The following ABLIM3 variants were observed in gnomAD, a reference collection of about 807,000 sequenced individuals.
The protein encoded by ABLIM3 is actin-binding LIM protein 3.
ABLIM3 carries 61 observed loss-of-function variants against 109.5 expected under a neutral mutation model. The observed-to-expected ratio is 0.56, with a 90% CI of 0.45 to 0.69. ABLIM3 has a LOEUF of 0.69. ABLIM3 is among the 30% of genes least tolerant of loss of function. The pLI is 0.00. For missense variants in ABLIM3, 796 were observed against 889.5 expected (o/e 0.89, Z 1.34); for synonymous variants, 300 against 324.8 (o/e 0.92, Z 0.82).
At chr5:149,180,573 C>G (rs1367195680) in intron 2 of ABLIM3, among the ~76,000 whole-genome samples, 1 of 152,324 alleles carries the variant, frequency 6.6e-6, no homozygotes, top group African/African-American at 2.4e-5. Context: ...TGCTACACCA[C>G]TGTTCTTTTA....
chr5:149,177,450 G>A (rs1756042368), intron 2 of ABLIM3, among the ~76,000 whole-genome samples: 1 of 152,138 alleles, frequency 6.6e-6, no homozygotes, highest in African/African-American at 2.4e-5. Flanking sequence ...CAATGCCCTA[G>A]GATAACATAG....
chr5:149,173,540 A>T (rs114148418), intron 2 of ABLIM3, among the ~76,000 whole-genome samples: 2,730 of 152,268 alleles, frequency 0.018, 38 homozygotes, highest in Non-Finnish European at 0.025. Context: ...GAGATGGGGC[A>T]GAAGGGGACC....
chr5:149,246,724 A>G (rs971297856), intron 17 of ABLIM3, among the ~76,000 whole-genome samples, 178 bp downstream of exon 17: 2 of 152,264 alleles, frequency 1.3e-5, no homozygotes, highest in Non-Finnish European at 2.9e-5. Flanking sequence ...ACTAGATCCA[A>G]CTGCTCAAAA....
chr5:149,216,256 G>T (rs1327575674), intron 7 of ABLIM3, among the ~76,000 whole-genome samples: 4 of 152,198 alleles, frequency 2.6e-5, no homozygotes, highest in African/African-American at 9.6e-5. Context: ...TACTTTAAGT[G>T]TCTTGAGGTT....
At chr5:149,245,101 T>C in intron 16 of ABLIM3, 86 bp downstream of exon 16, 3 of 1,541,698 alleles carry the variant, frequency 1.9e-6, no homozygotes, top group East Asian at 2.3e-5. Context: ...CACTCCTTTA[T>C]ACAATCATTC....
intron 8 of ABLIM3, among the ~76,000 whole-genome samples, chr5:149,225,525 G>T (rs1357298021): frequency 6.6e-6 from 1 of 151,988 alleles, no homozygotes; most frequent in Non-Finnish European, 1.5e-5. Flanking sequence ...TTCCATTTTT[G>T]GATCTACCAC....
chr5:149,191,288 ATAT>A (rs1757449949), intron 3 of ABLIM3, among the ~76,000 whole-genome samples: 2 of 152,282 alleles, frequency 1.3e-5, no homozygotes, highest in South Asian at 4.1e-4. Context: ...ATAAAAAGAA[ATAT>A]TATAAACAAT....
Position 149,246,899 on chromosome 5 carries a change from C to A in ABLIM3, c.1551+353C>A, listed in dbSNP as rs192115320. On this transcript the variant is annotated intron_variant, in intron 17 of 23. Coordinates refer to ENST00000309868, the MANE Select transcript of ABLIM3 (RefSeq NM_014945.5). ...CCTGTGGAAAACAATTTGGTGGTTC[C>A]TCAAAAATTAAACATAAAATTACCA... 7.4e-4 allele frequency among the ~76,000 whole-genome samples: 113 copies of A among 152,270 alleles called. 1 individual carries two copies. Among genetic ancestry groups the A allele is most frequent in the Non-Finnish European group, 4.4e-4 (30 of 68,026 alleles).
intron 5 of ABLIM3, among the ~76,000 whole-genome samples, chr5:149,203,089 C>T (rs1758633777): frequency 6.6e-6 from 1 of 151,886 alleles, no homozygotes; most frequent in Non-Finnish European, 1.5e-5. Flanking sequence ...CTACCATTGC[C>T]ATCACCATTG....
chr5:149,184,251 A>G (rs1581071935), intron 3 of ABLIM3, among the ~76,000 whole-genome samples: 1 of 151,952 alleles, frequency 6.6e-6, no homozygotes, highest in Non-Finnish European at 1.5e-5. Flanking sequence ...GGGGCAACAC[A>G]CCCTTCCACA....
chr5:149,190,104 C>T (rs1272344742), intron 3 of ABLIM3, among the ~76,000 whole-genome samples: 1 of 152,100 alleles, frequency 6.6e-6, no homozygotes, highest in African/African-American at 2.4e-5. Flanking sequence ...AAAACAGTCA[C>T]AAAAGGCTAC....
At chr5:149,238,450 GT>G (rs1282283731) in intron 11 of ABLIM3, among the ~76,000 whole-genome samples, 1 of 152,122 alleles carries the variant, frequency 6.6e-6, no homozygotes, top group East Asian at 1.9e-4. Flanking sequence ...AGATTCTCTG[GT>G]TTCCGGCCCC....
chr5:149,175,647 A>T (rs1363232184), intron 2 of ABLIM3, among the ~76,000 whole-genome samples: 1 of 152,196 alleles, frequency 6.6e-6, no homozygotes, highest in African/African-American at 2.4e-5. Flanking sequence ...CTGAAACTTC[A>T]TTTTCTCTTA....
Position 149,260,376 on chromosome 5 carries a change from G to A in ABLIM3, c.*1972G>A, listed in dbSNP as rs1028336672. The A allele has an allele frequency of 1.3e-5, 2 of 152,560 alleles. No individual in the cohort carries two copies. Among genetic ancestry groups the A allele is most frequent in the Admixed American group, 6.6e-5 (1 of 15,262 alleles). 9.5% of individuals were successfully genotyped at this position (152,560 alleles called of 1,614,324 possible). A position where few individuals can be genotyped will look rare whatever the true frequency, so the allele number is the denominator to read the frequency against. ...TGGTTAAGAACTTGGCGAGATTGAA[G>A]GGCTTTTGTTATTGTTGTTGGATAT... is the stretch of plus-strand genomic sequence containing the variant. On this transcript the variant is annotated 3_prime_UTR_variant, in exon 24 of 24. Transcript: ENST00000309868.
intron 10 of ABLIM3, among the ~76,000 whole-genome samples, chr5:149,236,354 T>C (rs973575188): frequency 3.3e-5 from 5 of 152,172 alleles, no homozygotes; most frequent in Non-Finnish European, 5.9e-5. Flanking sequence ...AGACTGTACT[T>C]GGCTCCTATG....
chr5:149,237,723 C>A, intron 11 of ABLIM3, 120 bp downstream of exon 11: 1 of 1,322,154 alleles, frequency 7.6e-7, no homozygotes. Context: ...GACTCTTCTA[C>A]ACTGGGATTT....
chr5:149,255,395 G>A (rs528455772), intron 23 of ABLIM3, among the ~76,000 whole-genome samples: 1 of 152,282 alleles, frequency 6.6e-6, no homozygotes, highest in Non-Finnish European at 1.5e-5. Context: ...TGTGTGAGAA[G>A]ACATAAGATG....
intron 1 of ABLIM3, 48 bp downstream of exon 1, chr5:149,141,702 G>C: frequency 5.1e-6 from 1 of 197,038 alleles, no homozygotes; most frequent in Non-Finnish European, 1.0e-5. Context: ...GCGGGGACGC[G>C]CTGCCCCCGC....
At chr5:149,176,661 C>G (rs1393053538) in intron 2 of ABLIM3, among the ~76,000 whole-genome samples, 7 of 152,128 alleles carry the variant, frequency 4.6e-5, no homozygotes, top group Non-Finnish European at 8.8e-5. Flanking sequence ...ATATAAGTGG[C>G]TGAGGACACT....
Sources: allele counts gnomAD v4.1 joint callset (sites outside exome capture counted in the v4.1 genomes callset), GRCh38; gene constraint gnomAD v4.1.1; transcripts MANE v1.5; gene names NCBI Gene and HGNC (gene_info 2026-07-23, HGNC 2026-07-21).